The following EYS variants were observed in gnomAD, a reference collection of about 807,000 sequenced individuals.
EYS encodes the protein EGF-like photoreceptor maintenance factor.
A neutral mutation model predicts 282.1 loss-of-function variants in EYS; 250 were observed. That is an observed-to-expected ratio of 0.89 (90% CI 0.80 to 0.98). EYS has a LOEUF of 0.98. Ranked by LOEUF, EYS falls within the 50% of genes least tolerant of loss-of-function variation. The pLI is 0.00. For synonymous variants in EYS, 1,355 were observed against 1,282.9 expected (o/e 1.06, Z -1.20); for missense variants, 4,016 against 3,709.0 (o/e 1.08, Z -2.15).
At chr6:64,230,021 T>C (rs1766372673) in intron 31 of EYS, among the ~76,000 whole-genome samples, 1 of 152,196 alleles carries the variant, frequency 6.6e-6, no homozygotes, top group African/African-American at 2.4e-5. Context: ...TGTTTCTGGC[T>C]TTAGTTGTCT....
chr6:65,033,942 G>A (rs1471604609), intron 13 of EYS, among the ~76,000 whole-genome samples: 1 of 152,188 alleles, frequency 6.6e-6, no homozygotes, highest in Non-Finnish European at 1.5e-5. Flanking sequence ...CCCTGGTGCT[G>A]AATACTGCCA....
chr6:65,254,191 C>A (rs1767400322), intron 12 of EYS, among the ~76,000 whole-genome samples: 1 of 151,792 alleles, frequency 6.6e-6, no homozygotes, highest in South Asian at 2.1e-4. Context: ...TCTTTTATAA[C>A]TAATCCCTTC....
intron 31 of EYS, among the ~76,000 whole-genome samples, chr6:64,119,738 G>A (rs1245803063): frequency 6.6e-6 from 1 of 152,174 alleles, no homozygotes; most frequent in East Asian, 1.9e-4. Flanking sequence ...ATTGCACAGA[G>A]GTGAAATTGC....
chr6:65,320,837 C>T (rs1769455309), intron 11 of EYS, among the ~76,000 whole-genome samples: 1 of 152,174 alleles, frequency 6.6e-6, no homozygotes, highest in African/African-American at 2.4e-5. Context: ...CCACCCCCAT[C>T]CCCTCAAAGG....
At chr6:63,969,849 C>T (rs1467262172) in intron 35 of EYS, among the ~76,000 whole-genome samples, 1 of 152,216 alleles carries the variant, frequency 6.6e-6, no homozygotes, top group Non-Finnish European at 1.5e-5. Flanking sequence ...GTCTCTCTCT[C>T]TCTTGCAAGC....
chr6:64,827,478 A>T (rs973245858), intron 19 of EYS, among the ~76,000 whole-genome samples: 1 of 151,940 alleles, frequency 6.6e-6, no homozygotes, highest in African/African-American at 2.4e-5. Context: ...ATTTTCATGT[A>T]GTAAATGATC....
At chr6:64,187,452 G>T (rs115109342) in intron 31 of EYS, among the ~76,000 whole-genome samples, 4 of 151,630 alleles carry the variant, frequency 2.6e-5, no homozygotes, top group African/African-American at 9.7e-5. Flanking sequence ...TCTTTGTGTT[G>T]GAAAACATTT....
chr6:64,973,510 TTCTCTC>T (rs765255103), intron 14 of EYS, among the ~76,000 whole-genome samples: 1 of 152,052 alleles, frequency 6.6e-6, no homozygotes, highest in African/African-American at 2.4e-5. Context: ...TAGTTTACTT[TTCTCTC>T]TCTCTAAGAG....
intron 15 of EYS, among the ~76,000 whole-genome samples, chr6:64,930,459 G>T (rs1369313623): frequency 3.8e-4 from 17 of 44,268 alleles, no homozygotes; most frequent in African/African-American, 8.7e-4. Context: ...GCATAAATAA[G>T]GTAAAAAAAA....
At chr6:64,183,132 T>C (rs1269254758) in intron 31 of EYS, among the ~76,000 whole-genome samples, 3 of 152,160 alleles carry the variant, frequency 2.0e-5, no homozygotes, top group Non-Finnish European at 4.4e-5. Flanking sequence ...CTCTGGGCAT[T>C]CATTCTTCTC....
chr6:63,953,610 C>T (rs1297047907), intron 35 of EYS, among the ~76,000 whole-genome samples: 2 of 152,166 alleles, frequency 1.3e-5, no homozygotes, highest in Non-Finnish European at 2.9e-5. Context: ...CCTTTAAATA[C>T]ATAGTTTTAC....
intron 41 of EYS, among the ~76,000 whole-genome samples, chr6:63,738,748 A>T (rs1354564785): frequency 4.6e-5 from 7 of 152,170 alleles, no homozygotes; most frequent in Non-Finnish European, 8.8e-5. Context: ...TATAAAAAAA[A>T]TACATACAGA....
chr6:64,296,582 ATACATATATATATATATTTTTTTTTT>A (rs1769020887), intron 30 of EYS, among the ~76,000 whole-genome samples: 2 of 5,978 alleles, frequency 3.3e-4, no homozygotes, highest in East Asian at 2.7e-3. Flanking sequence ...ATATATATAT[ATACATATATATATATATTTTTTTTTT>A]TTTTTTTTTT....
rs147655771 is a variant in EYS at position 64,278,017 on chromosome 6, C to A, written c.6191+28953G>T. The stretch of plus-strand genomic sequence containing the variant: ...AAATATTTAGTAAAGGCCTAATTAT[C>A]TTTTAGAAATCTTAAGAGGGGCATG... On this transcript the variant is annotated intron_variant, in intron 30 of 42. Transcript: ENST00000503581. Among the ~76,000 whole-genome samples the A allele has an allele frequency of 2.3e-3, 350 of 152,162 alleles. 2 individuals are homozygous for A. Among genetic ancestry groups the A allele is most frequent in the African/African-American group, 8.1e-3 (337 of 41,532 alleles).
chr6:64,042,995 C>G (rs1296106402), intron 33 of EYS, among the ~76,000 whole-genome samples: 1 of 152,076 alleles, frequency 6.6e-6, no homozygotes, highest in Non-Finnish European at 1.5e-5. Flanking sequence ...AAGTTATTTA[C>G]TATCTCTGTG....
chr6:64,986,115 C>G (rs1025058937), intron 14 of EYS, among the ~76,000 whole-genome samples: 3 of 151,308 alleles, frequency 2.0e-5, no homozygotes, highest in Non-Finnish European at 4.4e-5. Context: ...AAGGGTTTTG[C>G]AAGCCTATAT....
At chr6:64,058,768 A>T (rs1320624540) in intron 33 of EYS, among the ~76,000 whole-genome samples, 1 of 152,212 alleles carries the variant, frequency 6.6e-6, no homozygotes, top group Non-Finnish European at 1.5e-5. Flanking sequence ...TGAAAGTGGT[A>T]AACTATACAC....
At chr6:64,649,350 T>TA (rs1768471860) in intron 22 of EYS, among the ~76,000 whole-genome samples, 1 of 151,908 alleles carries the variant, frequency 6.6e-6, no homozygotes, top group Non-Finnish European at 1.5e-5. Context: ...CTGCCTTTTT[T>TA]TTTTGAGATG....
At chr6:65,379,510 A>G (rs1190119287) in intron 8 of EYS, among the ~76,000 whole-genome samples, 1 of 152,098 alleles carries the variant, frequency 6.6e-6, no homozygotes, top group Non-Finnish European at 1.5e-5. Flanking sequence ...AGCCAATATC[A>G]TATTGAATGG....
Sources: allele counts gnomAD v4.1 joint callset (sites outside exome capture counted in the v4.1 genomes callset), GRCh38; gene constraint gnomAD v4.1.1; transcripts MANE v1.5; gene names NCBI Gene and HGNC (gene_info 2026-07-23, HGNC 2026-07-21).